Variants in R3HDM2 observed in about 807,000 individuals in gnomAD.
R3HDM2 encodes R3H domain containing 2, also known as R3H domain-containing protein 2.
A neutral mutation model predicts 124.5 loss-of-function variants in R3HDM2; 38 were observed. The observed-to-expected ratio is 0.31, with a 90% confidence interval of 0.24 to 0.40. The LOEUF is 0.40. Ranked by LOEUF, R3HDM2 falls within the 10% of genes least tolerant of loss-of-function variation. R3HDM2 has a pLI of 1.00. For synonymous variants in R3HDM2, 391 were observed against 448.0 expected (o/e 0.87, Z 1.61); for missense variants, 869 against 1,236.9 (o/e 0.70, Z 4.46).
At position 57,269,057 on chromosome 12, in the gene R3HDM2, C is replaced by T; in HGVS notation, c.1740G>A (p.Gln580=). The T allele has an allele frequency of 6.2e-7, 1 of 1,614,212 alleles. No homozygotes were observed. ...TCATGCCTTGGTAAGCCGCCTGCTGCTGGTTAGGCATCATGGGCTGTAAAC... is the reference window on the plus strand; with the variant it reads ...TCATGCCTTGGTAAGCCGCCTGCTGTTGGTTAGGCATCATGGGCTGTAAAC... The part of the protein sequence containing the change: ...QPGLQPMMPN[Q]QQAAYQGMIG... Residue 580 remains glutamine, a synonymous_variant, in exon 17 of 24, where the codon CAG becomes CAA. Coordinates refer to ENST00000402412, the MANE Select transcript of R3HDM2 (RefSeq NM_001394031.1).
At chr12:57,287,254 G>A (rs2047561534) in intron 12 of R3HDM2, among the ~76,000 whole-genome samples, 1 of 152,236 alleles carries the variant, frequency 6.6e-6, no homozygotes, top group Non-Finnish European at 1.5e-5. Flanking sequence ...TCTGGTGACT[G>A]TAAAGCACTG....
At position 57,300,117 on chromosome 12, in the gene R3HDM2, G is replaced by T; in HGVS notation, c.272C>A (p.Ala91Asp). The T allele has an allele frequency of 2.6e-6, 4 of 1,551,512 alleles. No homozygotes were observed. Among genetic ancestry groups the T allele is most frequent in the Non-Finnish European group, 3.5e-6 (4 of 1,146,856 alleles). The change falls in exon 5 of 24, where the codon GCT (alanine) becomes GAT (aspartate). Residue 91 changes from alanine to aspartate, a missense_variant. Physicochemically the swap from Ala to Asp is moderately radical, Grantham distance 126 (BLOSUM62 -2). Around this residue, in one of 2 missense-constraint regions of R3HDM2, gnomAD observed 267 missense variants for 447.7 expected, o/e 0.60. Transcript: ENST00000402412. ...TACCTGGGTTTCTAATGGCCCATCAGCAAATGGGGTGGAGGACTCCTCACA... is the reference window on the plus strand; with the variant it reads ...TACCTGGGTTTCTAATGGCCCATCATCAAATGGGGTGGAGGACTCCTCACA... ...AVCEESSTPF[A>D]DGPLETQDII...
At chr12:57,364,143 C>CTTTTTTTTTTTTT (rs11320875) in intron 2 of R3HDM2, among the ~76,000 whole-genome samples, 2 of 81,670 alleles carry the variant, frequency 2.4e-5, no homozygotes, top group African/African-American at 4.6e-5. Flanking sequence ...GACTCGGTGT[C>CTTTTTTTTTTTTT]TTTTTTTTTT....
intron 2 of R3HDM2, among the ~76,000 whole-genome samples, chr12:57,367,946 T>C (rs2062857206): frequency 6.6e-6 from 1 of 152,106 alleles, no homozygotes; most frequent in South Asian, 2.1e-4. Context: ...ATATTTATTT[T>C]ATGTTCTATA....
intron 1 of R3HDM2, among the ~76,000 whole-genome samples, chr12:57,415,963 TG>T (rs1011726842): frequency 2.0e-5 from 3 of 152,114 alleles, no homozygotes; most frequent in South Asian, 2.1e-4. Flanking sequence ...TCCAGGATTG[TG>T]GGGGTAAGTT....
At chr12:57,305,245 C>CT (rs914924722) in intron 3 of R3HDM2, among the ~76,000 whole-genome samples, 1 of 152,026 alleles carries the variant, frequency 6.6e-6, no homozygotes, top group African/African-American at 2.4e-5. Context: ...TGTTTTTAAA[C>CT]TTTTTTTCAT....
chr12:57,299,580 CT>C, intron 5 of R3HDM2, 102 bp from the exon 6 acceptor site: 1 of 1,180,940 alleles, frequency 8.5e-7, no homozygotes, highest in Non-Finnish European at 1.2e-6. Context: ...GCAGCTCTCT[CT>C]TATAGATTAG....
intron 21 of R3HDM2, 134 bp downstream of exon 21, chr12:57,257,856 A>G: frequency 1.0e-6 from 1 of 992,760 alleles, no homozygotes; most frequent in East Asian, 2.8e-5. Context: ...AGGGATGTTA[A>G]AGGAAGAGTT....
At chr12:57,425,852 C>T (rs1283580172) in intron 1 of R3HDM2, among the ~76,000 whole-genome samples, 1 of 152,064 alleles carries the variant, frequency 6.6e-6, no homozygotes, top group Non-Finnish European at 1.5e-5. Flanking sequence ...GAAGAGTAGC[C>T]AAACCGCCCC....
chr12:57,423,087 G>A (rs541612750), intron 1 of R3HDM2, among the ~76,000 whole-genome samples: 1 of 152,194 alleles, frequency 6.6e-6, no homozygotes, highest in Non-Finnish European at 1.5e-5. Flanking sequence ...GGGGTCAACA[G>A]TAATGAATGC....
intron 2 of R3HDM2, among the ~76,000 whole-genome samples, chr12:57,359,816 A>G (rs1481516422): frequency 6.6e-6 from 1 of 151,758 alleles, no homozygotes; most frequent in East Asian, 1.9e-4. Context: ...TTGGCTTACT[A>G]GCTACACCTC....
intron 3 of R3HDM2, among the ~76,000 whole-genome samples, chr12:57,307,036 C>T (rs966060980): frequency 6.6e-6 from 1 of 152,076 alleles, no homozygotes; most frequent in Non-Finnish European, 1.5e-5. Flanking sequence ...AAAGGACACA[C>T]CTAAATTCAG....
At chr12:57,357,089 C>T (rs193297286) in intron 2 of R3HDM2, among the ~76,000 whole-genome samples, 16 of 149,452 alleles carry the variant, frequency 1.1e-4, no homozygotes, top group Admixed American at 1.0e-3. Context: ...GGCGACACAG[C>T]GAGACTCTGT....
At chr12:57,395,903 G>T in intron 1 of R3HDM2, 85 bp from the exon 2 acceptor site, 1 of 534,700 alleles carries the variant, frequency 1.9e-6, no homozygotes, top group Non-Finnish European at 2.4e-6. Flanking sequence ...ATCCACAGCA[G>T]CACCTGTTAA....
chr12:57,426,054 C>T (rs1385473623), intron 1 of R3HDM2, among the ~76,000 whole-genome samples: 1 of 152,050 alleles, frequency 6.6e-6, no homozygotes, highest in African/African-American at 2.4e-5. Flanking sequence ...ATGACAGAAC[C>T]CTGTATCTAC....
At chr12:57,412,764 G>C (rs1399082292) in intron 1 of R3HDM2, among the ~76,000 whole-genome samples, 1 of 152,114 alleles carries the variant, frequency 6.6e-6, no homozygotes, top group Non-Finnish European at 1.5e-5. Flanking sequence ...CCAGCACTTT[G>C]GGAGGCCGAG....
At chr12:57,404,064 A>AT (rs767234283) in intron 1 of R3HDM2, among the ~76,000 whole-genome samples, 867 of 77,042 alleles carry the variant, frequency 0.011, 48 homozygotes, top group African/African-American at 0.04. Flanking sequence ...TCCACTCCTA[A>AT]TTTTTTTTTT....
chr12:57,291,778 T>C (rs571770572), intron 11 of R3HDM2, among the ~76,000 whole-genome samples: 2 of 152,350 alleles, frequency 1.3e-5, no homozygotes, highest in African/African-American at 4.8e-5. Flanking sequence ...TGCTCATATC[T>C]GGATACTACA....
rs1479971245 is a variant in R3HDM2, at chr12:57,430,704, C to T, written c.-106+16G>A. The stretch of plus-strand genomic sequence containing the variant: ...CGTCCGGGCCGCCCGCCCCCTCGGC[C>T]GGGAGGTGGCCTCACCTCGCACGGG... On this transcript the variant is annotated intron_variant, in intron 1 of 23. Coordinates refer to ENST00000402412, the MANE Select transcript of R3HDM2 (RefSeq NM_001394031.1). 1 of 520,102 alleles carries T rather than the reference C, an allele frequency of 1.9e-6. No individual in the cohort carries two copies. The highest frequency in any genetic ancestry group is 1.5e-4 in the East Asian group (1 of 6,630). 32.2% of individuals were successfully genotyped at this position (520,102 alleles called of 1,614,324 possible). A position where few individuals can be genotyped will look rare whatever the true frequency, so the allele number is the denominator to read the frequency against.
Sources: gnomAD v4.1 joint callset for allele counts (sites outside exome capture counted in the v4.1 genomes callset) on GRCh38, gnomAD v4.1.1 for gene constraint, gnomAD v4.1.1 regional missense constraint, MANE v1.5 for transcripts, NCBI Gene and HGNC (gene_info 2026-07-23, HGNC 2026-07-21) for gene names.